NUDT3: variants seen among roughly 807,000 people sequenced by gnomAD.
NUDT3 encodes nudix hydrolase 3, also known as diphosphoinositol polyphosphate phosphohydrolase 1.
NUDT3 carries 9 observed loss-of-function variants against 23.6 expected under a neutral mutation model. The ratio of observed to expected loss-of-function variants is 0.38; its 90% CI spans 0.23 to 0.66. The LOEUF (loss-of-function observed/expected upper bound fraction) is 0.66, where lower values mean the gene tolerates loss of function less well. NUDT3 is among the 30% of genes least tolerant of loss of function. The pLI, the probability that NUDT3 is intolerant of heterozygous loss-of-function variation, is 0.52. For missense variants in NUDT3, 172 were observed against 218.5 expected (o/e 0.79, Z 1.34); for synonymous variants, 86 against 82.6 (o/e 1.04, Z -0.22).
chr6:34,386,457 T>A (rs975597795), intron 1 of NUDT3, among the ~76,000 whole-genome samples: 1 of 152,196 alleles, frequency 6.6e-6, no homozygotes, highest in Non-Finnish European at 1.5e-5. Flanking sequence ...GTCTCCTTCA[T>A]AACAGTATCA....
At chr6:34,297,759 A>AT (rs60517827) in intron 2 of NUDT3, among the ~76,000 whole-genome samples, 2,162 of 69,862 alleles carry the variant, frequency 0.031, 45 homozygotes, top group African/African-American at 0.037. Context: ...ATATATATAT[A>AT]ATTTTTTTTT....
At chr6:34,385,385 C>T (rs974583844) in intron 1 of NUDT3, among the ~76,000 whole-genome samples, 5 of 152,014 alleles carry the variant, frequency 3.3e-5, no homozygotes, top group African/African-American at 1.2e-4. Flanking sequence ...GTCGGGAGTT[C>T]GAGACCATAT....
chr6:34,363,654 A>G (rs1197011346), intron 1 of NUDT3, among the ~76,000 whole-genome samples: 2 of 152,184 alleles, frequency 1.3e-5, no homozygotes, highest in African/African-American at 2.4e-5. Context: ...TACCTTTCCC[A>G]TGTCCAGTTC....
At chr6:34,292,017 C>G (rs536893937) in intron 4 of NUDT3, among the ~76,000 whole-genome samples, 5 of 152,200 alleles carry the variant, frequency 3.3e-5, no homozygotes, top group Non-Finnish European at 5.9e-5. Context: ...AGTGGGAGTA[C>G]AAGGTGAAAG....
At chr6:34,330,069 T>C (rs1764104964) in intron 2 of NUDT3, among the ~76,000 whole-genome samples, 1 of 152,244 alleles carries the variant, frequency 6.6e-6, no homozygotes, top group South Asian at 2.1e-4. Context: ...TTTGGATTGG[T>C]TCCAAGTCTT....
chr6:34,376,734 C>G (rs962453585), intron 1 of NUDT3, among the ~76,000 whole-genome samples: 15 of 152,246 alleles, frequency 9.9e-5, no homozygotes, highest in African/African-American at 3.6e-4. Flanking sequence ...CCGCTGAGTT[C>G]ACCCTGCATT....
intron 1 of NUDT3, among the ~76,000 whole-genome samples, chr6:34,342,783 C>A (rs190680636): frequency 6.6e-6 from 1 of 152,316 alleles, no homozygotes; most frequent in Non-Finnish European, 1.5e-5. Context: ...CCATTACTTT[C>A]TGATGATGAC....
intron 2 of NUDT3, among the ~76,000 whole-genome samples, chr6:34,331,880 CT>C (rs546880185): frequency 6.6e-6 from 1 of 151,300 alleles, no homozygotes; most frequent in Non-Finnish European, 1.5e-5. Flanking sequence ...TCTGTGTATA[CT>C]TTTTTTTTGT....
chr6:34,359,047 A>G (rs1388418369), intron 1 of NUDT3, among the ~76,000 whole-genome samples: 1 of 152,202 alleles, frequency 6.6e-6, no homozygotes, highest in Non-Finnish European at 1.5e-5. Context: ...ATCACAATAA[A>G]TCACAGAAAA....
chr6:34,332,456 G>A (rs1433263013), intron 2 of NUDT3, among the ~76,000 whole-genome samples: 1 of 152,120 alleles, frequency 6.6e-6, no homozygotes, highest in Admixed American at 6.5e-5. Context: ...AGAGGCAGAA[G>A]TGAAGGAGGT....
At chr6:34,346,296 G>C (rs1764369002) in intron 1 of NUDT3, among the ~76,000 whole-genome samples, 1 of 152,140 alleles carries the variant, frequency 6.6e-6, no homozygotes, top group Non-Finnish European at 1.5e-5. Context: ...AGAAAAAGTA[G>C]TAAAATGGGT....
chr6:34,364,028 C>G (rs1042782097), intron 1 of NUDT3, among the ~76,000 whole-genome samples: 2 of 152,176 alleles, frequency 1.3e-5, no homozygotes, highest in Non-Finnish European at 2.9e-5. Flanking sequence ...AACAAGGAAG[C>G]TAGTTGCTAA....
At chr6:34,305,995 T>C (rs542849940) in intron 2 of NUDT3, among the ~76,000 whole-genome samples, 1 of 152,330 alleles carries the variant, frequency 6.6e-6, no homozygotes, top group Non-Finnish European at 1.5e-5. Flanking sequence ...GTATTCTTTG[T>C]TGGGTGGAAG....
At chr6:34,297,081 G>A (rs1216766299) in intron 2 of NUDT3, among the ~76,000 whole-genome samples, 2 of 151,290 alleles carry the variant, frequency 1.3e-5, no homozygotes, top group Admixed American at 6.6e-5. Flanking sequence ...ACAGGTGCCC[G>A]CCACCACGCC....
At chr6:34,326,939 C>G (rs778826732) in intron 2 of NUDT3, among the ~76,000 whole-genome samples, 1 of 151,762 alleles carries the variant, frequency 6.6e-6, no homozygotes, top group African/African-American at 2.4e-5. Flanking sequence ...TGTGTGGAGA[C>G]GAGAGAGAGA....
At chr6:34,379,989 A>G (rs1764986377) in intron 1 of NUDT3, among the ~76,000 whole-genome samples, 1 of 151,950 alleles carries the variant, frequency 6.6e-6, no homozygotes, top group African/African-American at 2.4e-5. Context: ...CATGGACAAG[A>G]GTGAACTCCA....
At chr6:34,367,207 C>T (rs948450691) in intron 1 of NUDT3, among the ~76,000 whole-genome samples, 18 of 151,968 alleles carry the variant, frequency 1.2e-4, no homozygotes, top group Admixed American at 3.9e-4. Flanking sequence ...ATTGGCCGGG[C>T]GCAGTGGCTC....
chr6:34,289,970 A>G (rs1763393771), intron 4 of NUDT3, among the ~76,000 whole-genome samples: 1 of 152,188 alleles, frequency 6.6e-6, no homozygotes, highest in Admixed American at 6.5e-5. Flanking sequence ...TGTTATGGTC[A>G]GGAACAAGGA....
chr6:34,297,175 G>A (rs1181470676), intron 2 of NUDT3, among the ~76,000 whole-genome samples: 8 of 151,926 alleles, frequency 5.3e-5, no homozygotes, highest in Admixed American at 1.3e-4. Context: ...CTCGTGATCC[G>A]CCCATCTCAG....
Sources: gnomAD v4.1 joint callset for allele counts (sites outside exome capture counted in the v4.1 genomes callset) on GRCh38, gnomAD v4.1.1 for gene constraint, MANE v1.5 for transcripts, NCBI Gene and HGNC (gene_info 2026-07-23, HGNC 2026-07-21) for gene names.